Variants in CHKA observed in about 807,000 individuals in gnomAD.
CHKA encodes the protein CHETK-alpha.
A neutral mutation model predicts 60.1 loss-of-function variants in CHKA; 34 were observed. The ratio of observed to expected loss-of-function variants is 0.57; its 90% CI spans 0.43 to 0.75. The LOEUF (loss-of-function observed/expected upper bound fraction) is 0.75, where lower values mean the gene tolerates loss of function less well. CHKA is among the 30% of genes least tolerant of loss of function. CHKA has a pLI of 0.00. For missense variants in CHKA, 563 were observed against 561.3 expected, an observed-to-expected ratio of 1.00 and a Z score of -0.03; for synonymous variants, 217 against 223.1, an observed-to-expected ratio of 0.97 and a Z score of 0.24.
chr11:68,068,839 C>A, intron 7 of CHKA, 40 bp downstream of exon 7: 1 of 1,442,352 alleles, frequency 6.9e-7, no homozygotes, highest in Admixed American at 1.7e-5. Context: ...TCTAAGTATG[C>A]ACACAAACCT....
intron 7 of CHKA, among the ~76,000 whole-genome samples, chr11:68,067,536 G>A (rs957060148): frequency 2.0e-5 from 3 of 152,096 alleles, no homozygotes; most frequent in African/African-American, 4.8e-5. Context: ...CTAAGGTTAC[G>A]TGGAGCCTAG....
At chr11:68,085,263 T>C (rs111502533) in intron 2 of CHKA, among the ~76,000 whole-genome samples, 2,601 of 152,196 alleles carry the variant, frequency 0.017, 39 homozygotes, top group Non-Finnish European at 0.026. Flanking sequence ...TCGCTCTGTC[T>C]CTCAGGTTGG....
At chr11:68,094,992 T>C (rs1857452476) in intron 2 of CHKA, among the ~76,000 whole-genome samples, 1 of 152,218 alleles carries the variant, frequency 6.6e-6, no homozygotes, top group Admixed American at 6.5e-5. Flanking sequence ...AAATATCATA[T>C]GGATATGATC....
rs1473113179 is a variant in CHKA, at chr11:68,070,806, T to C, written c.682A>G (p.Ile228Val). 1.7e-5 allele frequency: 28 copies of C among 1,613,078 alleles called. No individual in the cohort carries two copies. The highest frequency in any genetic ancestry group is 2.2e-5 in the East Asian group (1 of 44,864). ...TGAAATGTAGCCATTTTCTCGGCGATTTCTGCAGAAATATCTGGCAAACTT... is the reference window on the plus strand; with the variant it reads ...TGAAATGTAGCCATTTTCTCGGCGACTTCTGCAGAAATATCTGGCAAACTT... Reference protein sequence around the residue: ...ELSLPDISAEIAEKMATFHGM... With the variant: ...ELSLPDISAEVAEKMATFHGM... The change falls in exon 5 of 12, where the codon ATC becomes GTC. Residue 228 changes from isoleucine (I) to valine (V), a missense_variant. Physicochemically the swap from Ile to Val is conservative, Grantham distance 29. Coordinates refer to ENST00000265689, the MANE Select transcript of CHKA (RefSeq NM_001277.3).
At chr11:68,064,004 C>T (rs77601808) in intron 10 of CHKA, among the ~76,000 whole-genome samples, 6,779 of 152,284 alleles carry the variant, frequency 0.045, 173 homozygotes, top group African/African-American at 0.068. Context: ...GACTAATATA[C>T]TTTGCCTGCT....
At chr11:68,061,060 G>A (rs1414178792) in intron 11 of CHKA, among the ~76,000 whole-genome samples, 1 of 146,842 alleles carries the variant, frequency 6.8e-6, no homozygotes, top group African/African-American at 2.5e-5. Context: ...TTTGTCTGAA[G>A]GTTAAAAATA....
At chr11:68,081,311 G>GTAGA (rs1188578923) in intron 3 of CHKA, 93 bp downstream of exon 3, 15 of 963,534 alleles carry the variant, frequency 1.6e-5, no homozygotes, top group African/African-American at 3.3e-5. Flanking sequence ...TTTTCCAAGG[G>GTAGA]TAGATAAGAG....
chr11:68,055,100 ATG>A (rs1463956061), intron 11 of CHKA, among the ~76,000 whole-genome samples: 2 of 152,180 alleles, frequency 1.3e-5, no homozygotes, highest in African/African-American at 4.8e-5. Context: ...ACGATTATAA[ATG>A]AAGGTGCAGA....
chr11:68,098,031 G>A (rs973499256), intron 1 of CHKA, among the ~76,000 whole-genome samples: 1 of 152,118 alleles, frequency 6.6e-6, no homozygotes, highest in Non-Finnish European at 1.5e-5. Flanking sequence ...CAGCACTTTG[G>A]GAGGCCAAGG....
chr11:68,081,750 G>C (rs1187697063), intron 2 of CHKA: 5 of 270,166 alleles, frequency 1.9e-5, no homozygotes, highest in African/African-American at 1.1e-4. Flanking sequence ...ATTGTTAGAG[G>C]AAAGTCAATA....
At position 68,064,477 on chromosome 11, in the gene CHKA, T is replaced by G. The variant is rs1380147678; in HGVS notation, c.1232+48A>C. ...AAGTCAGCATCTCCCAAATATAGTC[T>G]ATAAAGAGGAAAGCTATCTTTACAA... On this transcript the variant is annotated intron_variant, in intron 10 of 11. Coordinates refer to ENST00000265689, the MANE Select transcript of CHKA (RefSeq NM_001277.3). The G allele has an allele frequency of 3.2e-6, 3 of 945,906 alleles. No homozygotes were observed. In the African/African-American group the frequency reaches 5.1e-5, roughly 16 times the overall value. 58.6% of individuals were successfully genotyped at this position (945,906 alleles called of 1,614,324 possible).
intron 7 of CHKA, among the ~76,000 whole-genome samples, chr11:68,067,092 G>A (rs569532006): frequency 4.3e-4 from 65 of 152,194 alleles, no homozygotes; most frequent in Admixed American, 2.4e-3. Context: ...TTCTGGGTCA[G>A]GAGTTGGTCA....
rs1028883730 is a variant in CHKA, at chr11:68,121,046, C to T, written c.132G>A (p.Glu44=). ...GCTGTTGGCCGCCCAGCTGCTTGGA[C>T]TCGAGGTCGCTGGCGGCGTCGCGCT... ...GQQRDAASDL[E]SKQLGGQQPP... Residue 44 remains glutamate, a synonymous_variant, in exon 1 of 12, where the codon GAG becomes GAA. Coordinates refer to ENST00000265689, the MANE Select transcript of CHKA (RefSeq NM_001277.3). 1.8e-6 allele frequency: 2 copies of T among 1,110,122 alleles called. No individual in the cohort carries two copies. Among genetic ancestry groups the T allele is most frequent in the Non-Finnish European group, 2.2e-6 (2 of 911,008 alleles). 68.8% of individuals were successfully genotyped at this position (1,110,122 alleles called of 1,614,324 possible). A position where few individuals can be genotyped will look rare whatever the true frequency, so the allele number is the denominator to read the frequency against.
intron 11 of CHKA, among the ~76,000 whole-genome samples, chr11:68,055,213 C>T (rs1384872136): frequency 1.3e-5 from 2 of 152,080 alleles, no homozygotes; most frequent in Non-Finnish European, 2.9e-5. Context: ...GTCAACACGG[C>T]GAAACCCCCT....
intron 11 of CHKA, among the ~76,000 whole-genome samples, chr11:68,055,180 G>A (rs908715062): frequency 6.6e-6 from 1 of 152,232 alleles, no homozygotes; most frequent in African/African-American, 2.4e-5. Flanking sequence ...ATCACTTGAG[G>A]TCAGGAGTTT....
chr11:68,062,549 G>A lies in CHKA; in HGVS notation c.1233-515C>T, dbSNP rs200792861. Among the ~76,000 whole-genome samples the A allele has an allele frequency of 3.3e-5, 5 of 152,288 alleles. No individual in the cohort carries two copies. In the South Asian group the frequency reaches 6.2e-4, roughly 19 times the overall value. On this transcript the variant is annotated intron_variant, in intron 10 of 11. Coordinates refer to ENST00000265689, the MANE Select transcript of CHKA (RefSeq NM_001277.3). ...AAGTGAAAAGAGCAGATCAGAGAGC[G>A]TGAGCCACGTCACCATCTCTAAGCT...
At chr11:68,076,717 C>T (rs111858238) in intron 3 of CHKA, among the ~76,000 whole-genome samples, 12 of 152,106 alleles carry the variant, frequency 7.9e-5, no homozygotes, top group African/African-American at 2.4e-4. Context: ...CGTGTGGCAT[C>T]GTCAACACAT....
intron 3 of CHKA, among the ~76,000 whole-genome samples, chr11:68,075,769 C>G (rs1262632387): frequency 6.6e-6 from 1 of 151,980 alleles, no homozygotes; most frequent in Non-Finnish European, 1.5e-5. Flanking sequence ...GATGCCCCAC[C>G]ACCACCGAAG....
intron 2 of CHKA, among the ~76,000 whole-genome samples, chr11:68,089,513 C>T (rs1680591447): frequency 6.6e-6 from 1 of 152,142 alleles, no homozygotes; most frequent in Admixed American, 6.5e-5. Flanking sequence ...AACTTGATTA[C>T]TTCAATTAAG....
Sources: gnomAD v4.1 joint callset for allele counts (sites outside exome capture counted in the v4.1 genomes callset) on GRCh38, gnomAD v4.1.1 for gene constraint, MANE v1.5 for transcripts, NCBI Gene and HGNC (gene_info 2026-07-23, HGNC 2026-07-21) for gene names.